The following CACNA2D3 variants were observed in gnomAD, a reference collection of about 807,000 sequenced individuals.
CACNA2D3 encodes voltage-dependent calcium channel subunit alpha-2/delta-3.
A neutral mutation model predicts 160.6 loss-of-function variants in CACNA2D3; 60 were observed. The ratio of observed to expected loss-of-function variants is 0.37; its 90% CI spans 0.30 to 0.46. CACNA2D3 has a LOEUF of 0.46. CACNA2D3 is among the 20% of genes least tolerant of loss of function. The pLI, the probability that CACNA2D3 is intolerant of heterozygous loss-of-function variation, is 1.00. For missense variants in CACNA2D3, 1,205 were observed against 1,365.0 expected (o/e 0.88, Z 1.85); for synonymous variants, 558 against 492.9 (o/e 1.13, Z -1.75).
rs76140514 is a variant in CACNA2D3, at chr3:54,255,135, T to A, written c.205-65307T>A. Reference sequence around the variant, plus strand: ...GGTTAAAAACTGTTGAAACCTGATTTCCCTCTTTTAAAAATGGAATCATGT... The same window carrying A: ...GGTTAAAAACTGTTGAAACCTGATTACCCTCTTTTAAAAATGGAATCATGT... On this transcript the variant is annotated intron_variant, in intron 2 of 37. Transcript: ENST00000474759. Among the ~76,000 whole-genome samples, 642 of 152,340 alleles carry A rather than the reference T, an allele frequency of 4.2e-3. 4 individuals carry two copies. Among genetic ancestry groups the A allele is most frequent in the African/African-American group, 0.015 (607 of 41,574 alleles).
chr3:54,515,683 G>T (rs1701538867), intron 5 of CACNA2D3, among the ~76,000 whole-genome samples: 1 of 152,210 alleles, frequency 6.6e-6, no homozygotes, highest in Non-Finnish European at 1.5e-5. Context: ...TGGGAAAAGA[G>T]AAATGGTTTC....
intron 9 of CACNA2D3, among the ~76,000 whole-genome samples, chr3:54,627,123 C>T (rs1011172548): frequency 2.6e-5 from 4 of 152,162 alleles, no homozygotes; most frequent in African/African-American, 9.7e-5. Context: ...ATCTACTGAG[C>T]CCCTTCTGTG....
intron 5 of CACNA2D3, among the ~76,000 whole-genome samples, chr3:54,528,567 C>T (rs547287212): frequency 8.5e-5 from 13 of 152,290 alleles, no homozygotes; most frequent in African/African-American, 2.6e-4. Flanking sequence ...GATTGAAACA[C>T]GAAACCTTGC....
At chr3:54,254,154 G>T (rs1197427555) in intron 2 of CACNA2D3, among the ~76,000 whole-genome samples, 1 of 152,166 alleles carries the variant, frequency 6.6e-6, no homozygotes, top group African/African-American at 2.4e-5. Context: ...AGAGAATGTT[G>T]ATGCTCATAG....
chr3:54,277,591 G>C (rs1257881705), intron 2 of CACNA2D3, among the ~76,000 whole-genome samples: 1 of 152,162 alleles, frequency 6.6e-6, no homozygotes. Flanking sequence ...TTTTTGCTTA[G>C]GATTGCCTTG....
chr3:54,202,871 A>C (rs1449878931), intron 2 of CACNA2D3, among the ~76,000 whole-genome samples: 2 of 152,158 alleles, frequency 1.3e-5, no homozygotes, highest in African/African-American at 4.8e-5. Context: ...CAAAGAGTCC[A>C]TGTTTGGAGA....
At chr3:54,304,361 A>G (rs1244087994) in intron 2 of CACNA2D3, among the ~76,000 whole-genome samples, 4 of 152,146 alleles carry the variant, frequency 2.6e-5, no homozygotes, top group Non-Finnish European at 4.4e-5. Flanking sequence ...GAGCCTTGCA[A>G]GTCCCTGTTT....
intron 35 of CACNA2D3, among the ~76,000 whole-genome samples, chr3:55,070,160 A>AGCCCTGTTGCCCT (rs1356193186): frequency 3.9e-5 from 6 of 152,186 alleles, no homozygotes; most frequent in African/African-American, 4.8e-5. Flanking sequence ...TGGAAACTAC[A>AGCCCTGTTGCCCT]GTCTTTTATG....
At chr3:54,620,984 T>C (rs1230118304) in intron 9 of CACNA2D3, among the ~76,000 whole-genome samples, 1 of 152,222 alleles carries the variant, frequency 6.6e-6, no homozygotes, top group African/African-American at 2.4e-5. Context: ...TTCTGAAGCC[T>C]TCCCATGGTG....
intron 17 of CACNA2D3, among the ~76,000 whole-genome samples, chr3:54,850,849 G>C (rs1699043217): frequency 6.6e-6 from 1 of 152,218 alleles, no homozygotes; most frequent in Admixed American, 6.5e-5. Flanking sequence ...TTTCATTCTG[G>C]ATGAAAATCT....
chr3:54,478,699 T>C (rs1575479715), intron 4 of CACNA2D3, among the ~76,000 whole-genome samples: 1 of 145,302 alleles, frequency 6.9e-6, no homozygotes, highest in Non-Finnish European at 1.5e-5. Flanking sequence ...TTCTGAGCAG[T>C]GTGATGAATC....
At chr3:54,712,685 G>A (rs1048432395) in intron 11 of CACNA2D3, among the ~76,000 whole-genome samples, 3 of 152,114 alleles carry the variant, frequency 2.0e-5, no homozygotes, top group Admixed American at 2.0e-4. Flanking sequence ...GCATGTAAAC[G>A]GACTAATACA....
intron 27 of CACNA2D3, among the ~76,000 whole-genome samples, chr3:54,952,539 G>A (rs753767809): frequency 6.6e-5 from 10 of 152,128 alleles, no homozygotes; most frequent in Non-Finnish European, 1.3e-4. Context: ...TTAAGCAGAC[G>A]GAATGTCAAT....
At chr3:54,203,986 G>T (rs542307492) in intron 2 of CACNA2D3, among the ~76,000 whole-genome samples, 1 of 152,018 alleles carries the variant, frequency 6.6e-6, no homozygotes, top group African/African-American at 2.4e-5. Flanking sequence ...CCAGGGACCC[G>T]CCCTTCTCTA....
intron 27 of CACNA2D3, chr3:54,918,557 C>T: frequency 6.2e-7 from 1 of 1,614,056 alleles, no homozygotes. Flanking sequence ...GTGATTGCCG[C>T]ATAGGTGCAG....
intron 35 of CACNA2D3, among the ~76,000 whole-genome samples, chr3:55,050,107 A>G (rs1189197191): frequency 6.6e-6 from 1 of 151,574 alleles, no homozygotes; most frequent in African/African-American, 2.4e-5. Context: ...ATTTACATTT[A>G]AAGTTAATAT....
chr3:54,230,552 A>G (rs1004249919), intron 2 of CACNA2D3, among the ~76,000 whole-genome samples: 27 of 152,352 alleles, frequency 1.8e-4, no homozygotes, highest in African/African-American at 6.0e-4. Context: ...TCTGAGCCAG[A>G]GTTAGACACA....
chr3:54,379,743 T>G (rs1699068575), intron 3 of CACNA2D3, among the ~76,000 whole-genome samples: 1 of 152,242 alleles, frequency 6.6e-6, no homozygotes, highest in Non-Finnish European at 1.5e-5. Flanking sequence ...TCAGCACTTC[T>G]CTTTCTCCTG....
At chr3:54,924,343 A>T (rs1559631377) in intron 27 of CACNA2D3, among the ~76,000 whole-genome samples, 1 of 152,212 alleles carries the variant, frequency 6.6e-6, no homozygotes, top group African/African-American at 2.4e-5. Flanking sequence ...CCTTCTTAAT[A>T]GCATACTCCC....
Sources: allele counts gnomAD v4.1 joint callset (sites outside exome capture counted in the v4.1 genomes callset), GRCh38; gene constraint gnomAD v4.1.1; transcripts MANE v1.5; gene names NCBI Gene and HGNC (gene_info 2026-07-23, HGNC 2026-07-21).